Variants in DGKG observed in about 807,000 individuals in gnomAD.
DGKG encodes the protein diacylglycerol kinase gamma.
A neutral mutation model predicts 105.3 loss-of-function variants in DGKG; 78 were observed. That is an observed-to-expected ratio of 0.74 (90% CI 0.62 to 0.89). DGKG has a LOEUF of 0.89. Ranked by LOEUF, DGKG falls within the 40% of genes least tolerant of loss-of-function variation. The pLI is 0.00. For missense variants in DGKG, 958 were observed against 1,020.1 expected (o/e 0.94, Z 0.83); for synonymous variants, 346 against 367.1 (o/e 0.94, Z 0.66).
chr3:186,277,675 G>T (rs900327015), intron 9 of DGKG, among the ~76,000 whole-genome samples: 61 of 152,160 alleles, frequency 4.0e-4, no homozygotes, highest in African/African-American at 1.4e-3. Context: ...ACCGTGACTT[G>T]GGATAAAGTA....
At chr3:186,304,651 G>C (rs1030980357) in intron 3 of DGKG, among the ~76,000 whole-genome samples, 1 of 152,216 alleles carries the variant, frequency 6.6e-6, no homozygotes, top group South Asian at 2.1e-4. Flanking sequence ...GGATGGAAGA[G>C]GGATAATAAT....
At position 186,298,082 on chromosome 3, in the gene DGKG, T is replaced by C; in HGVS notation, c.292A>G (p.Ser98Gly). Residue 98 changes from serine (S) to glycine (G), a missense_variant, in exon 4 of 25, where the codon AGT (serine) becomes GGT (glycine). Coordinates refer to ENST00000265022, the MANE Select transcript of DGKG (RefSeq NM_001346.3). The stretch of plus-strand genomic sequence containing the variant: ...TGTGTACCTGCGCTGTTGGCCTCAC[T>C]GTTGCTGGCTCCCTCCGTCGGGTGG... ...SDHPTEGASN[S>G]EANSADTNIQ... The C allele has an allele frequency of 6.2e-7, 1 of 1,612,012 alleles. No homozygotes were observed. Among genetic ancestry groups the C allele is most frequent in the Non-Finnish European group, 8.5e-7 (1 of 1,179,122 alleles).
In DGKG at chr3:186,362,162, G is replaced by A. The variant is rs988929010; in HGVS notation, c.-465C>T. 6.6e-6 allele frequency: 1 copy of A among 152,350 alleles called. No individual in the cohort carries two copies. The highest frequency in any genetic ancestry group is 2.4e-5 in the African/African-American group (1 of 41,444). The allele number at this position is 152,350 out of a possible 1,614,324, so 9.4% of individuals were successfully genotyped here. A position where few individuals can be genotyped will look rare whatever the true frequency, so the allele number is the denominator to read the frequency against. ...GCCAGGCTGTGGTTGGTAGCGCCGG[G>A]GTCTTCACCCTGTGCTCGGAGTTCA... is the stretch of plus-strand genomic sequence containing the variant. On this transcript the variant is annotated 5_prime_UTR_variant, in exon 1 of 25. Coordinates refer to ENST00000265022, the MANE Select transcript of DGKG (RefSeq NM_001346.3).
At chr3:186,238,535 C>G (rs761059954) in intron 20 of DGKG, among the ~76,000 whole-genome samples, 4 of 152,154 alleles carry the variant, frequency 2.6e-5, no homozygotes, top group Non-Finnish European at 2.9e-5. Context: ...GGGGCCACAT[C>G]TTATGTGCCC....
intron 16 of DGKG, among the ~76,000 whole-genome samples, chr3:186,258,157 A>T (rs1027869616): frequency 1.3e-5 from 2 of 152,218 alleles, no homozygotes. Flanking sequence ...TGCAAGGATA[A>T]TCTGACTCAA....
At chr3:186,298,869 T>A (rs1231237444) in intron 3 of DGKG, among the ~76,000 whole-genome samples, 1 of 151,974 alleles carries the variant, frequency 6.6e-6, no homozygotes, top group Non-Finnish European at 1.5e-5. Flanking sequence ...ATAACAAGGG[T>A]GGGTGTGTGT....
At chr3:186,178,998 T>G (rs4686742) in intron 22 of DGKG, among the ~76,000 whole-genome samples, 117,278 of 152,144 alleles carry the variant, frequency 0.77, 45,807 homozygotes, top group East Asian at 0.93. Context: ...CCAGTGCAGT[T>G]CTTCTCAAAA....
intron 3 of DGKG, among the ~76,000 whole-genome samples, chr3:186,304,897 T>C (rs1724150942): frequency 1.3e-5 from 2 of 152,186 alleles, no homozygotes. Context: ...ACCCTGCCAG[T>C]AGGAAGTAAG....
At chr3:186,339,099 T>G (rs1725967259) in intron 1 of DGKG, among the ~76,000 whole-genome samples, 1 of 152,220 alleles carries the variant, frequency 6.6e-6, no homozygotes, top group Non-Finnish European at 1.5e-5. Flanking sequence ...TGTTCTATCT[T>G]CTAGTTAGTT....
At chr3:186,297,547 A>T in intron 4 of DGKG, 64 bp from the exon 5 acceptor site, 1 of 1,153,260 alleles carries the variant, frequency 8.7e-7, no homozygotes, top group Non-Finnish European at 1.3e-6. Flanking sequence ...AAGGGCAGGT[A>T]CAGGACATCC....
At position 186,272,590 on chromosome 3, in the gene DGKG, G is replaced by A. The variant is rs554157068; in HGVS notation, c.911-247C>T. Among the ~76,000 whole-genome samples the A allele has an allele frequency of 1.2e-3, 189 of 152,332 alleles. 1 individual carries two copies. The highest frequency in any genetic ancestry group is 4.6e-3 in the Admixed American group (70 of 15,314). On this transcript the variant is annotated intron_variant, in intron 10 of 24. Transcript: ENST00000265022. ...TTCACTGCCTTCCTCTGCAGGCAATGAACACAGCAGGAGCACATCCCCAGA... is the reference window on the plus strand; with the variant it reads ...TTCACTGCCTTCCTCTGCAGGCAATAAACACAGCAGGAGCACATCCCCAGA...
Position 186,147,970 on chromosome 3 carries a change from G to T in DGKG, c.*2120C>A. On this transcript the variant is annotated 3_prime_UTR_variant, in exon 25 of 25. Transcript: ENST00000265022. ...CTGCACTGTTAGGTTGAGCAGAATG[G>T]TCCAAGATCTTGCTCCTAGGTGGTC... 1.0e-6 allele frequency: 1 copy of T among 985,404 alleles called. No individual in the cohort carries two copies. The highest frequency in any genetic ancestry group is 1.7e-5 in the African/African-American group (1 of 57,322). 61.0% of individuals were successfully genotyped at this position (985,404 alleles called of 1,614,324 possible). A position where few individuals can be genotyped will look rare whatever the true frequency, so the allele number is the denominator to read the frequency against.
intron 9 of DGKG, among the ~76,000 whole-genome samples, chr3:186,278,556 C>G: frequency 6.6e-6 from 1 of 152,026 alleles, no homozygotes; most frequent in East Asian, 1.9e-4. Context: ...CCACAAAGAT[C>G]TTTTCCAGCT....
chr3:186,182,049 C>T (rs1345490678), intron 22 of DGKG, among the ~76,000 whole-genome samples: 1 of 152,240 alleles, frequency 6.6e-6, no homozygotes, highest in East Asian at 1.9e-4. Flanking sequence ...AGCCTTGTGC[C>T]ATGCCCTTGG....
intron 1 of DGKG, among the ~76,000 whole-genome samples, chr3:186,358,824 GTGATCA>G (rs1727099241): frequency 6.6e-6 from 1 of 152,186 alleles, no homozygotes; most frequent in African/African-American, 2.4e-5. Flanking sequence ...GAACCTGGCT[GTGATCA>G]TGATGCACGT....
At chr3:186,281,668 T>C (rs1722834759) in intron 7 of DGKG, among the ~76,000 whole-genome samples, 1 of 152,108 alleles carries the variant, frequency 6.6e-6, no homozygotes, top group Non-Finnish European at 1.5e-5. Context: ...AACTACAGGA[T>C]AGGCCAGTAG....
Position 186,188,311 on chromosome 3 carries a change from G to A in DGKG, c.1986C>T (p.Ser662=), listed in dbSNP as rs765388941. 5 of 1,614,154 alleles carry A rather than the reference G, an allele frequency of 3.1e-6. No individual in the cohort carries two copies. The highest frequency in any genetic ancestry group is 4.2e-6 in the Non-Finnish European group (5 of 1,180,038). The change falls in exon 22 of 25, where the codon AGC becomes AGT. Residue 662 remains serine (S), a synonymous_variant. Coordinates refer to ENST00000265022, the MANE Select transcript of DGKG (RefSeq NM_001346.3). Reference sequence around the variant, plus strand: ...CCCAGAGATTGGTGCCTCCGTACATGCTGGGAATGTTGAGAATGGCAATGC... The same window carrying A: ...CCCAGAGATTGGTGCCTCCGTACATACTGGGAATGTTGAGAATGGCAATGC... ...LEGIAILNIP[S]MYGGTNLWGE...
At chr3:186,225,085 T>A (rs568143531) in intron 20 of DGKG, among the ~76,000 whole-genome samples, 16 of 152,060 alleles carry the variant, frequency 1.1e-4, no homozygotes, top group East Asian at 7.7e-4. Flanking sequence ...TTTTTTTTTT[T>A]AATGTATTTT....
chr3:186,148,110 A>C lies in DGKG; in HGVS notation c.*1980T>G, dbSNP rs1458342794. The C allele has an allele frequency of 1.0e-6, 1 of 985,332 alleles. No individual in the cohort carries two copies. The highest frequency in any genetic ancestry group is 1.7e-5 in the African/African-American group (1 of 57,234). The allele number at this position is 985,332 out of a possible 1,614,324, so 61.0% of individuals were successfully genotyped here. ...AGTGGAACGATATCAAGTGGGTCCAAGTTTCCACTGATAAATCTCAGAGAG... is the reference window on the plus strand; with the variant it reads ...AGTGGAACGATATCAAGTGGGTCCACGTTTCCACTGATAAATCTCAGAGAG... On this transcript the variant is annotated 3_prime_UTR_variant, in exon 25 of 25. Transcript: ENST00000265022.
Sources: gnomAD v4.1 joint callset for allele counts (sites outside exome capture counted in the v4.1 genomes callset) on GRCh38, gnomAD v4.1.1 for gene constraint, MANE v1.5 for transcripts, NCBI Gene and HGNC (gene_info 2026-07-23, HGNC 2026-07-21) for gene names.